The following ECPAS variants were observed in gnomAD, a reference collection of about 807,000 sequenced individuals.
ECPAS encodes the protein Ecm29 proteasome adaptor and scaffold.
ECPAS carries 70 observed loss-of-function variants against 255.1 expected under a neutral mutation model. That is an observed-to-expected ratio of 0.27 (90% confidence interval 0.23 to 0.33). The LOEUF is 0.33. ECPAS is among the 10% of genes least tolerant of loss of function. ECPAS has a pLI of 1.00. For synonymous variants in ECPAS, 784 were observed against 775.0 expected, an observed-to-expected ratio of 1.01 and a Z score of -0.19; for missense variants, 1,817 against 2,206.4, an observed-to-expected ratio of 0.82 and a Z score of 3.54.
chr9:111,414,680 A>G, intron 18 of ECPAS, 29 bp from the exon 19 acceptor site: 2 of 1,578,136 alleles, frequency 1.3e-6, no homozygotes, highest in Non-Finnish European at 1.7e-6. Context: ...GGAAGACTGC[A>G]TAAGCTTCTC....
At chr9:111,466,295 AT>A in intron 2 of ECPAS, among the ~76,000 whole-genome samples, 3 of 152,022 alleles carry the variant, frequency 2.0e-5, no homozygotes, top group Non-Finnish European at 4.4e-5. Flanking sequence ...AAATACAAAA[AT>A]TAGCTGGGCA....
chr9:111,421,442 T>C (rs2098213782), intron 15 of ECPAS, among the ~76,000 whole-genome samples: 1 of 151,514 alleles, frequency 6.6e-6, no homozygotes, highest in African/African-American at 2.4e-5. Flanking sequence ...TGTGTGTGTG[T>C]GTGTGTGTAT....
intron 1 of ECPAS, among the ~76,000 whole-genome samples, chr9:111,476,574 A>ATTT (rs58723893): frequency 1.4e-3 from 146 of 105,914 alleles, no homozygotes; most frequent in African/African-American, 1.9e-3. Flanking sequence ...TAACATCAGA[A>ATTT]TTTTTTTTTT....
chr9:111,391,774 A>G lies in ECPAS; in HGVS notation c.3143T>C (p.Leu1048Pro). 1.2e-6 allele frequency: 2 copies of G among 1,608,574 alleles called. No homozygotes were observed. Among genetic ancestry groups the G allele is most frequent in the Non-Finnish European group, 1.7e-6 (2 of 1,176,192 alleles). The change falls in exon 29 of 50, where the codon CTT (leucine) becomes CCT (proline). Residue 1048 changes from leucine (L) to proline (P), a missense_variant. Physicochemically the swap from Leu to Pro is moderately conservative, Grantham distance 98 (BLOSUM62 -3). Transcript: ENST00000684092. ...GETVVFQGGA[L>P]GKTPDGQGLS... is the part of the protein sequence containing the mutation. ...TACTTACCCATCTGGTGTTTTGCCA[A>G]GAGCTCCCCCTTGAAATACCACTGT...
At chr9:111,376,637 A>G in intron 36 of ECPAS, 96 bp from the exon 37 acceptor site, 1 of 899,868 alleles carries the variant, frequency 1.1e-6, no homozygotes, top group South Asian at 1.5e-5. Flanking sequence ...AAGCTAAAGA[A>G]CTTTAAAAAA....
intron 24 of ECPAS, among the ~76,000 whole-genome samples, chr9:111,405,655 GA>G (rs2098182922): frequency 1.3e-5 from 2 of 149,916 alleles, no homozygotes; most frequent in South Asian, 4.2e-4. Context: ...TCTGACAAGA[GA>G]TTAAAATACA....
At chr9:111,421,281 T>A (rs1338759401) in intron 15 of ECPAS, among the ~76,000 whole-genome samples, 2 of 152,158 alleles carry the variant, frequency 1.3e-5, no homozygotes, top group Non-Finnish European at 2.9e-5. Context: ...CTAATTCCAT[T>A]AGGACACAAT....
chr9:111,403,137 G>A (rs2098178659), intron 24 of ECPAS, among the ~76,000 whole-genome samples: 1 of 151,206 alleles, frequency 6.6e-6, no homozygotes, highest in Non-Finnish European at 1.5e-5. Context: ...CAGATCACTT[G>A]AGGTCAGGGG....
At position 111,370,725 on chromosome 9, in the gene ECPAS, C is replaced by A. The variant is rs750741256; in HGVS notation, c.4778G>T (p.Cys1593Phe). ...TCTTCATTGAAAGAACATTTACCTG[C>A]AAGCTGTCACCACACAGGCAATGGC... ...LKAIACVVTACSAELEKSVPN... is the reference protein window; with the variant it reads ...LKAIACVVTAFSAELEKSVPN... Residue 1593 changes from cysteine (C) to phenylalanine (F), a missense_variant, in exon 44 of 50, where the codon TGC becomes TTC. By Grantham distance (205) the Cys-to-Phe change is radical. Coordinates refer to ENST00000684092, the MANE Select transcript of ECPAS (RefSeq NM_001364929.1). 2 of 1,607,666 alleles carry A rather than the reference C, an allele frequency of 1.2e-6. No individual in the cohort carries two copies. The highest frequency in any genetic ancestry group is 2.7e-5 in the African/African-American group (2 of 74,842).
At chr9:111,363,542 G>A in intron 49 of ECPAS, 46 bp downstream of exon 49, 1 of 1,141,350 alleles carries the variant, frequency 8.8e-7, no homozygotes, top group Non-Finnish European at 1.3e-6. Context: ...TAAAACATAT[G>A]CCACATGGCT....
intron 16 of ECPAS, 42 bp downstream of exon 16, chr9:111,419,975 C>A: frequency 7.2e-7 from 1 of 1,387,640 alleles, no homozygotes; most frequent in South Asian, 1.2e-5. Flanking sequence ...CAAATAAATT[C>A]AAAATAAACC....
At chr9:111,451,636 T>C in intron 2 of ECPAS, 81 bp from the exon 3 acceptor site, 1 of 1,299,724 alleles carries the variant, frequency 7.7e-7, no homozygotes, top group Non-Finnish European at 1.0e-6. Flanking sequence ...CTTATTCTTT[T>C]TTTCTGTACT....
intron 25 of ECPAS, among the ~76,000 whole-genome samples, chr9:111,396,552 T>A (rs2098167936): frequency 6.6e-6 from 1 of 152,114 alleles, no homozygotes; most frequent in African/African-American, 2.4e-5. Flanking sequence ...TTTCATGCTG[T>A]CTGCTTTTTA....
intron 2 of ECPAS, among the ~76,000 whole-genome samples, chr9:111,466,420 G>A (rs181410611): frequency 3.0e-4 from 45 of 152,146 alleles, no homozygotes; most frequent in African/African-American, 1.1e-3. Context: ...ACTCCAGCCT[G>A]GGCGACAGAG....
chr9:111,446,503 A>G (rs1163003031), intron 3 of ECPAS, among the ~76,000 whole-genome samples: 2 of 152,228 alleles, frequency 1.3e-5, no homozygotes, highest in African/African-American at 4.8e-5. Flanking sequence ...TTTGACACCG[A>G]CAGCAAAAAA....
Position 111,361,911 on chromosome 9 carries a change from G to T in ECPAS, c.*119C>A. On this transcript the variant is annotated 3_prime_UTR_variant, in exon 50 of 50. Coordinates refer to ENST00000684092, the MANE Select transcript of ECPAS (RefSeq NM_001364929.1). ...TTTAAGGCTTTTTCTTTTTATTTCAGCCAAGGAATGATGCATGCTACAGAT... is the reference window on the plus strand; with the variant it reads ...TTTAAGGCTTTTTCTTTTTATTTCATCCAAGGAATGATGCATGCTACAGAT... 8.6e-7 allele frequency: 1 copy of T among 1,160,084 alleles called. No homozygotes were observed. Among genetic ancestry groups the T allele is most frequent in the Non-Finnish European group, 1.2e-6 (1 of 850,116 alleles). 71.9% of individuals were successfully genotyped at this position (1,160,084 alleles called of 1,614,324 possible).
At position 111,470,601 on chromosome 9, in the gene ECPAS, T is replaced by C. The variant is rs1284025995; in HGVS notation, c.22+2296A>G. 3.3e-5 allele frequency among the ~76,000 whole-genome samples: 5 copies of C among 152,236 alleles called. No individual in the cohort carries two copies. In the East Asian group the frequency reaches 9.7e-4, roughly 29 times the overall value. ...CTGGGATTACAGGCGTGAGCCACTG[T>C]GCCCAGCCTTTTGCATATGATTCCA... On this transcript the variant is annotated intron_variant, in intron 2 of 49. Coordinates refer to ENST00000684092, the MANE Select transcript of ECPAS (RefSeq NM_001364929.1).
chr9:111,413,010 G>A (rs74806262), intron 20 of ECPAS, among the ~76,000 whole-genome samples: 1 of 152,048 alleles, frequency 6.6e-6, no homozygotes, highest in African/African-American at 2.4e-5. Context: ...TGAGTATCTT[G>A]TATTTTTATT....
chr9:111,437,630 G>A (rs909135739), intron 6 of ECPAS, among the ~76,000 whole-genome samples: 8 of 152,026 alleles, frequency 5.3e-5, no homozygotes, highest in Non-Finnish European at 8.8e-5. Flanking sequence ...AAGCACATAA[G>A]CACGTACCAC....
Sources: gnomAD v4.1 joint callset for allele counts (sites outside exome capture counted in the v4.1 genomes callset) on GRCh38, gnomAD v4.1.1 for gene constraint, MANE v1.5 for transcripts, NCBI Gene and HGNC (gene_info 2026-07-23, HGNC 2026-07-21) for gene names.